The following CNGB3 variants were observed in gnomAD, a reference collection of about 807,000 sequenced individuals.
CNGB3 encodes the protein cyclic nucleotide gated channel subunit beta 3.
CNGB3 carries 86 observed loss-of-function variants against 92.8 expected under a neutral mutation model. The observed-to-expected ratio is 0.93, with a 90% CI of 0.78 to 1.11. The LOEUF (loss-of-function observed/expected upper bound fraction) is 1.11. CNGB3 is among the 50% of genes least tolerant of loss of function. CNGB3 has a pLI of 0.00. For missense variants in CNGB3, 1,026 were observed against 956.8 expected, an observed-to-expected ratio of 1.07 and a Z score of -0.95; for synonymous variants, 333 against 332.7, an observed-to-expected ratio of 1.00 and a Z score of -0.01.
chr8:86,612,350 CA>C (rs1294075482), intron 13 of CNGB3, among the ~76,000 whole-genome samples: 1 of 152,112 alleles, frequency 6.6e-6, no homozygotes, highest in Non-Finnish European at 1.5e-5. Flanking sequence ...TTAGGTGCTA[CA>C]AAAAACTCAC....
chr8:86,739,793 A>G (rs1825311041), intron 1 of CNGB3, 57 bp from the exon 2 acceptor site: 1 of 1,575,398 alleles, frequency 6.3e-7, no homozygotes, highest in Admixed American at 1.7e-5. Context: ...ATGAAGTTGA[A>G]TGTAAAACAT....
At position 86,596,217 on chromosome 8, in the gene CNGB3, A is replaced by G. The variant is rs530905473; in HGVS notation, c.1781+7876T>C. On this transcript the variant is annotated intron_variant, in intron 15 of 17. Transcript: ENST00000320005. The stretch of plus-strand genomic sequence containing the variant: ...AATTAAAATAACCTATTAAAATGCA[A>G]TGGCAATGGGGATAATAAAGTAATA... 8.7e-4 allele frequency among the ~76,000 whole-genome samples: 132 copies of G among 152,350 alleles called. 1 individual carries two copies. The highest frequency in any genetic ancestry group is 3.4e-3 in the Middle Eastern group (1 of 294).
At position 86,667,021 on chromosome 8, in the gene CNGB3, G is replaced by C. The variant is rs371318766; in HGVS notation, c.756C>G (p.Tyr252Ter). 1.2e-6 allele frequency: 2 copies of C among 1,613,920 alleles called. No homozygotes were observed. The highest frequency in any genetic ancestry group is 2.7e-5 in the African/African-American group (2 of 74,934). The change falls in exon 6 of 18, where the codon TAC (tyrosine) becomes TAG (stop). Residue 252 changes from tyrosine to a stop codon, truncating the protein, a stop_gained. Coordinates refer to ENST00000320005, the MANE Select transcript of CNGB3 (RefSeq NM_019098.5). LOFTEE classifies it high-confidence loss of function. ...FPYQTADNIH[Y>*]WLIADIICDI... is the part of the protein sequence containing the mutation. The stretch of plus-strand genomic sequence containing the variant: ...CACATATGATGTCCGCAATAAGCCA[G>C]TAGTGTATGTTGTCTGCGGTTTGAT...
chr8:86,741,559 G>A lies in CNGB3; in HGVS notation c.130-1823C>T, dbSNP rs189902931. 3.1e-3 allele frequency among the ~76,000 whole-genome samples: 471 copies of A among 152,130 alleles called. 1 individual carries two copies. Among genetic ancestry groups the A allele is most frequent in the African/African-American group, 0.011 (445 of 41,514 alleles). ...CATGTGCCTGTAATCCCAGCTACTC[G>A]GGAGGCTGAGGCAGGAGAATCGTTT... On this transcript the variant is annotated intron_variant, in intron 1 of 17. Coordinates refer to ENST00000320005, the MANE Select transcript of CNGB3 (RefSeq NM_019098.5).
chr8:86,732,912 A>G (rs1462594471), intron 2 of CNGB3, among the ~76,000 whole-genome samples: 1 of 152,174 alleles, frequency 6.6e-6, no homozygotes, highest in Non-Finnish European at 1.5e-5. Flanking sequence ...TTTTAGATTC[A>G]GGGGATGCAT....
At chr8:86,650,553 A>G (rs910529523) in intron 7 of CNGB3, among the ~76,000 whole-genome samples, 1 of 151,530 alleles carries the variant, frequency 6.6e-6, no homozygotes. Context: ...AAGCAGACAC[A>G]CTGTCTGCTT....
chr8:86,661,827 T>C (rs1823645650), intron 6 of CNGB3: 5 of 1,499,014 alleles, frequency 3.3e-6, no homozygotes, highest in Admixed American at 3.4e-5. Context: ...GTAATTGTTG[T>C]TCTCAGTATC....
At position 86,657,085 on chromosome 8, in the gene CNGB3, G is replaced by A. The variant is rs562413092; in HGVS notation, c.853-3023C>T. ...TCTGAGTAAGAAGATGGGAGCCCCC[G>A]TGAAGGAAAAGTTGCTTAGTGAGTC... On this transcript the variant is annotated intron_variant, in intron 6 of 17. Transcript: ENST00000320005. Among the ~76,000 whole-genome samples, 31 of 152,318 alleles carry A rather than the reference G, an allele frequency of 2.0e-4. 1 individual carries two copies. The South Asian group carries it at 2.9e-3, about 14-fold the overall frequency.
At chr8:86,696,608 A>G (rs1215694522) in intron 3 of CNGB3, among the ~76,000 whole-genome samples, 1 of 152,200 alleles carries the variant, frequency 6.6e-6, no homozygotes, top group Admixed American at 6.5e-5. Flanking sequence ...CCTGTCTTCT[A>G]TCCACCATTT....
At chr8:86,664,019 T>G (rs1384211058) in intron 6 of CNGB3, among the ~76,000 whole-genome samples, 3 of 152,212 alleles carry the variant, frequency 2.0e-5, no homozygotes, top group East Asian at 3.8e-4. Flanking sequence ...TAATGGAGGT[T>G]GAAATTAGTG....
chr8:86,619,972 C>T (rs1199090415), intron 13 of CNGB3, among the ~76,000 whole-genome samples: 1 of 152,058 alleles, frequency 6.6e-6, no homozygotes, highest in Non-Finnish European at 1.5e-5. Context: ...CCTCTTGCCT[C>T]AACCTCCCAA....
intron 6 of CNGB3, chr8:86,659,331 T>G (rs1823584899): frequency 8.6e-7 from 1 of 1,169,498 alleles, no homozygotes. Context: ...CTCCATGGCC[T>G]GCTGTAACTG....
chr8:86,709,249 A>G (rs896889235), intron 3 of CNGB3, among the ~76,000 whole-genome samples: 2 of 152,176 alleles, frequency 1.3e-5, no homozygotes, highest in Non-Finnish European at 2.9e-5. Flanking sequence ...TAAAATGGGT[A>G]CCCACACAGA....
At chr8:86,664,783 C>T (rs1381970785) in intron 6 of CNGB3, among the ~76,000 whole-genome samples, 1 of 152,080 alleles carries the variant, frequency 6.6e-6, no homozygotes, top group Non-Finnish European at 1.5e-5. Flanking sequence ...CATTAAAAAA[C>T]AAAACACCAG....
At chr8:86,615,656 A>T (rs6471437) in intron 13 of CNGB3, among the ~76,000 whole-genome samples, 91,192 of 151,922 alleles carry the variant, frequency 0.6, 29,543 homozygotes, top group Admixed American at 0.73. Context: ...AATAAACTAT[A>T]TATATTTAAA....
intron 3 of CNGB3, among the ~76,000 whole-genome samples, chr8:86,695,367 AT>A (rs35167568): frequency 0.61 from 82,508 of 135,076 alleles, 23,037 homozygotes; most frequent in South Asian, 0.74. Context: ...TTAAAAAATT[AT>A]TTTTTTCTTT....
intron 7 of CNGB3, among the ~76,000 whole-genome samples, chr8:86,652,158 A>T (rs1823416155): frequency 1.3e-5 from 2 of 152,014 alleles, no homozygotes; most frequent in African/African-American, 4.8e-5. Context: ...AATGGTAAAT[A>T]TCTTTGCATC....
intron 14 of CNGB3, among the ~76,000 whole-genome samples, chr8:86,608,257 G>C (rs1822449692): frequency 6.6e-6 from 1 of 152,226 alleles, no homozygotes; most frequent in Non-Finnish European, 1.5e-5. Flanking sequence ...TGCAGACATA[G>C]GAGCTGAGGG....
intron 6 of CNGB3, chr8:86,659,614 C>A: frequency 3.8e-6 from 2 of 533,078 alleles, no homozygotes; most frequent in Admixed American, 2.2e-5. Flanking sequence ...CCAACTCTCC[C>A]ACACGCGCCA....
Sources: allele counts gnomAD v4.1 joint callset (sites outside exome capture counted in the v4.1 genomes callset), GRCh38; gene constraint gnomAD v4.1.1; transcripts MANE v1.5; gene names NCBI Gene and HGNC (gene_info 2026-07-23, HGNC 2026-07-21).